Variants in LRMDA observed in about 807,000 individuals in gnomAD.
The protein encoded by LRMDA is leucine-rich melanocyte differentiation-associated protein.
In LRMDA, 18 loss-of-function variants were observed where a neutral mutation model predicts 29.8. The ratio of observed to expected loss-of-function variants is 0.60; its 90% CI spans 0.42 to 0.90. The LOEUF (loss-of-function observed/expected upper bound fraction) is 0.90, where lower values mean the gene tolerates loss of function less well. LRMDA is among the 40% of genes least tolerant of loss of function. LRMDA has a pLI of 0.00. For missense variants in LRMDA, 273 were observed against 273.9 expected (o/e 1.00, Z 0.02); for synonymous variants, 125 against 109.4 (o/e 1.14, Z -0.89).
intron 6 of LRMDA, among the ~76,000 whole-genome samples, chr10:76,463,121 A>G (rs1302562519): frequency 6.6e-6 from 1 of 152,144 alleles, no homozygotes; most frequent in East Asian, 1.9e-4. Flanking sequence ...TAGTGGGCCT[A>G]CTTTCTCCAA....
chr10:76,094,104 A>T (rs903737085), intron 5 of LRMDA, among the ~76,000 whole-genome samples: 1 of 152,172 alleles, frequency 6.6e-6, no homozygotes, highest in Non-Finnish European at 1.5e-5. Context: ...GGTGGTCCAG[A>T]CTTTGGTCTC....
intron 6 of LRMDA, among the ~76,000 whole-genome samples, chr10:76,328,754 C>A (rs775574878): frequency 1.6e-4 from 24 of 152,194 alleles, no homozygotes; most frequent in Non-Finnish European, 7.3e-5. Flanking sequence ...TACTCCTGCC[C>A]TGCCATTCTG....
intron 2 of LRMDA, among the ~76,000 whole-genome samples, chr10:75,608,129 T>TATATATATATATATATATATACACACAC (rs11271217): frequency 4.6e-4 from 41 of 89,476 alleles, no homozygotes; most frequent in Non-Finnish European, 8.7e-4. Flanking sequence ...TATATATATA[T>TATATATATATATATATATATACACACAC]ACACACACAT....
chr10:75,937,807 T>A (rs551872057), intron 2 of LRMDA, among the ~76,000 whole-genome samples: 1 of 152,324 alleles, frequency 6.6e-6, no homozygotes, highest in South Asian at 2.1e-4. Flanking sequence ...TTTATCTTAT[T>A]TGAGGAAAAT....
intron 5 of LRMDA, among the ~76,000 whole-genome samples, chr10:76,132,931 T>C (rs1473148888): frequency 2.0e-5 from 3 of 149,422 alleles, no homozygotes; most frequent in African/African-American, 7.4e-5. Flanking sequence ...GCCTCCTGAG[T>C]AGCTGGGACT....
At chr10:76,541,311 G>C (rs1459538365) in intron 6 of LRMDA, among the ~76,000 whole-genome samples, 2 of 152,154 alleles carry the variant, frequency 1.3e-5, no homozygotes, top group African/African-American at 4.8e-5. Flanking sequence ...GTCCAGCCTA[G>C]CCAACATGCC....
At chr10:76,255,740 A>G (rs1564702024) in intron 5 of LRMDA, among the ~76,000 whole-genome samples, 1 of 152,208 alleles carries the variant, frequency 6.6e-6, no homozygotes, top group African/African-American at 2.4e-5. Flanking sequence ...AATCCTAACA[A>G]TGGATACATT....
At chr10:75,648,497 A>G (rs1841557188) in intron 2 of LRMDA, among the ~76,000 whole-genome samples, 1 of 152,096 alleles carries the variant, frequency 6.6e-6, no homozygotes, top group African/African-American at 2.4e-5. Context: ...TTGCATTCAG[A>G]TTTTGTGCTG....
intron 2 of LRMDA, among the ~76,000 whole-genome samples, chr10:75,896,509 GGGCCTGT>G (rs1277735707): frequency 1.3e-5 from 2 of 152,136 alleles, no homozygotes; most frequent in African/African-American, 2.4e-5. Context: ...TGTGTCACAG[GGGCCTGT>G]GGCCTGTGGC....
rs71024600 is a variant in LRMDA, at chr10:76,376,865, C to CTTTTTTTTTTTTTTTTTTTTTTTTT, written c.601+52394_601+52418dup. ...AAATGTTTGTTGGGCACTTGGAAGT[C>CTTTTTTTTTTTTTTTTTTTTTTTTT]TTTTTTTTTTTTTTTTTTTTTTTTT... On this transcript the variant is annotated intron_variant, in intron 6 of 6. Coordinates refer to ENST00000611255, the MANE Select transcript of LRMDA (RefSeq NM_001305581.2). 7.2e-4 allele frequency among the ~76,000 whole-genome samples: 34 copies of CTTTTTTTTTTTTTTTTTTTTTTTTT among 47,384 alleles called. 17 individuals are homozygous for CTTTTTTTTTTTTTTTTTTTTTTTTT. Among genetic ancestry groups the CTTTTTTTTTTTTTTTTTTTTTTTTT allele is most frequent in the South Asian group, 1.7e-3 (2 of 1,172 alleles). The allele number at this position is 47,384 out of a possible 152,430, so 31.1% of individuals were successfully genotyped here. A position where few individuals can be genotyped will look rare whatever the true frequency, so the allele number is the denominator to read the frequency against.
At chr10:76,297,873 C>A (rs990551059) in intron 5 of LRMDA, among the ~76,000 whole-genome samples, 1 of 152,134 alleles carries the variant, frequency 6.6e-6, no homozygotes, top group Non-Finnish European at 1.5e-5. Flanking sequence ...GGCCTTTTGG[C>A]GTGCTGCAAA....
chr10:75,546,167 G>A (rs1840079150), intron 2 of LRMDA, among the ~76,000 whole-genome samples: 1 of 152,136 alleles, frequency 6.6e-6, no homozygotes, highest in Non-Finnish European at 1.5e-5. Context: ...GACCAGTGTT[G>A]GGCATGGTGC....
At chr10:75,712,236 C>A (rs1437722686) in intron 2 of LRMDA, among the ~76,000 whole-genome samples, 1 of 152,166 alleles carries the variant, frequency 6.6e-6, no homozygotes, top group African/African-American at 2.4e-5. Context: ...CCTCATCCCT[C>A]CCCGCCCCCC....
intron 2 of LRMDA, among the ~76,000 whole-genome samples, chr10:75,600,515 A>G (rs1840869278): frequency 6.6e-6 from 1 of 152,140 alleles, no homozygotes; most frequent in African/African-American, 2.4e-5. Context: ...CCTGACTGTG[A>G]GAGATGTGGT....
At chr10:76,195,803 G>A (rs897578544) in intron 5 of LRMDA, among the ~76,000 whole-genome samples, 6 of 152,196 alleles carry the variant, frequency 3.9e-5, no homozygotes, top group African/African-American at 1.4e-4. Context: ...TTAAAGGAAT[G>A]TTATTCTATG....
chr10:75,986,624 A>G (rs2132454972), intron 2 of LRMDA, among the ~76,000 whole-genome samples: 1 of 152,388 alleles, frequency 6.6e-6, no homozygotes, highest in South Asian at 2.1e-4. Flanking sequence ...CCACAGAATT[A>G]GCCACATCTT....
chr10:75,770,614 T>C (rs556906953), intron 2 of LRMDA, among the ~76,000 whole-genome samples: 21 of 152,328 alleles, frequency 1.4e-4, no homozygotes, highest in Non-Finnish European at 2.2e-4. Context: ...CACAGAACTA[T>C]ATTTTGAAAG....
In LRMDA at chr10:76,153,610, A is replaced by G. The variant is rs1470358761; in HGVS notation, c.516+94827A>G. ...TTCTTGTCAGGTTCTTGATTTTAAA[A>G]GGAATGTATGCTGTTAGATTTTTTA... On this transcript the variant is annotated intron_variant, in intron 5 of 6. Coordinates refer to ENST00000611255, the MANE Select transcript of LRMDA (RefSeq NM_001305581.2). Among the ~76,000 whole-genome samples, 58 of 152,236 alleles carry G rather than the reference A, an allele frequency of 3.8e-4. 2 individuals carry two copies. Among genetic ancestry groups the G allele is most frequent in the Admixed American group, 3.8e-3 (58 of 15,282 alleles).
At chr10:76,529,606 A>G (rs1293073547) in intron 6 of LRMDA, among the ~76,000 whole-genome samples, 1 of 152,164 alleles carries the variant, frequency 6.6e-6, no homozygotes, top group Non-Finnish European at 1.5e-5. Context: ...GGTGGCCTGC[A>G]AACTACAATT....
Sources: allele counts gnomAD v4.1 joint callset (sites outside exome capture counted in the v4.1 genomes callset), GRCh38; gene constraint gnomAD v4.1.1; transcripts MANE v1.5; gene names NCBI Gene and HGNC (gene_info 2026-07-23, HGNC 2026-07-21).